ASAH2B: variants seen among roughly 807,000 people sequenced by gnomAD.
ASAH2B encodes the protein putative inactive neutral ceramidase B.
ASAH2B carries 1 observed loss-of-function variant against 2.9 expected under a neutral mutation model. The observed-to-expected ratio is 0.34, with a 90% CI of 0.12 to 1.63. ASAH2B has a LOEUF of 1.63. Ranked by LOEUF, ASAH2B falls within the 40% of genes most tolerant of loss-of-function variation. The pLI, the probability that ASAH2B is intolerant of heterozygous loss-of-function variation, is 0.36. For synonymous variants in ASAH2B, 4 were observed against 13.3 expected, an observed-to-expected ratio of 0.30 and a Z score of 1.52; for missense variants, 9 against 37.7, an observed-to-expected ratio of 0.24 and a Z score of 1.99.
chr10:50,743,130 A>G (rs1839857897), intron 2 of ASAH2B, 120 bp downstream of exon 2: 2 of 1,022,372 alleles, frequency 2.0e-6, no homozygotes, highest in Non-Finnish European at 3.1e-6. Flanking sequence ...GTTCAGTTTG[A>G]CAACCTTTAT....
At chr10:50,753,140 A>G (rs1306292098) in intron 5 of ASAH2B, among the ~76,000 whole-genome samples, 18 of 148,554 alleles carry the variant, frequency 1.2e-4, no homozygotes, top group African/African-American at 3.8e-4. Flanking sequence ...TATTTTGAAG[A>G]TTTGATAATG....
At chr10:50,748,497 A>C (rs535068772) in intron 3 of ASAH2B, among the ~76,000 whole-genome samples, 14 of 149,416 alleles carry the variant, frequency 9.4e-5, no homozygotes, top group African/African-American at 3.6e-4. Context: ...GTGGGAACAG[A>C]ATCTTGTCAC....
intron 3 of ASAH2B, among the ~76,000 whole-genome samples, chr10:50,748,417 C>T (rs61844776): frequency 0.59 from 69,122 of 116,206 alleles, 17,019 homozygotes; most frequent in East Asian, 0.79. Flanking sequence ...TCACTTCCCC[C>T]AGCACCCCTC....
intron 3 of ASAH2B, among the ~76,000 whole-genome samples, chr10:50,747,852 T>C (rs1157550332): frequency 6.6e-6 from 1 of 151,672 alleles, no homozygotes; most frequent in South Asian, 2.1e-4. Context: ...AGTTTTCTTT[T>C]TATGTGTTGT....
intron 1 of ASAH2B, among the ~76,000 whole-genome samples, chr10:50,742,129 TA>T (rs934934944): frequency 9.3e-5 from 14 of 150,618 alleles, no homozygotes; most frequent in African/African-American, 2.9e-4. Context: ...AATACAAATA[TA>T]AAAAAAAAGA....
At chr10:50,744,031 A>G (rs928490927) in intron 2 of ASAH2B, among the ~76,000 whole-genome samples, 2 of 150,028 alleles carry the variant, frequency 1.3e-5, no homozygotes, top group East Asian at 2.0e-4. Flanking sequence ...ATTGATATTT[A>G]TTTTCATTTT....
chr10:50,745,818 T>C (rs2259980), intron 3 of ASAH2B, among the ~76,000 whole-genome samples: 97,762 of 142,728 alleles, frequency 0.68, 35,605 homozygotes, highest in East Asian at 0.97. Context: ...CTGGCTAGAA[T>C]CTTCAATAGA....
At chr10:50,743,043 CGTGT>C (rs112405752) in intron 2 of ASAH2B, 33 bp downstream of exon 2, 187 of 1,480,534 alleles carry the variant, frequency 1.3e-4, no homozygotes, top group Admixed American at 2.0e-4. Context: ...TGCGTGCGTG[CGTGT>C]GTGTGTGTGT....
chr10:50,746,133 A>G (rs12248985), intron 3 of ASAH2B, among the ~76,000 whole-genome samples: 4,818 of 151,566 alleles, frequency 0.032, 380 homozygotes, highest in African/African-American at 0.11. Flanking sequence ...TCAATAGAAT[A>G]TAAAATTTCA....
chr10:50,747,073 A>G (rs1423467696), intron 3 of ASAH2B, among the ~76,000 whole-genome samples: 2 of 150,666 alleles, frequency 1.3e-5, no homozygotes, highest in South Asian at 2.1e-4. Flanking sequence ...AAAAAAAACA[A>G]ACATCACCTA....
Position 50,740,521 on chromosome 10 carries a change from A to G in ASAH2B, c.-100+538A>G, listed in dbSNP as rs527387349. 7.2e-5 allele frequency among the ~76,000 whole-genome samples: 11 copies of G among 152,292 alleles called. No individual in the cohort carries two copies. The South Asian group carries it at 2.1e-3, about 29-fold the overall frequency. On this transcript the variant is annotated intron_variant, in intron 1 of 5. Transcript: ENST00000647317. ...AGCCTCTGACTCACTTCTGTGCTCC[A>G]GTAGCACCCTGTGCAGCCTTGCAGT...
chr10:50,745,904 G>T (rs1010681075), intron 3 of ASAH2B, among the ~76,000 whole-genome samples: 1 of 151,010 alleles, frequency 6.6e-6, no homozygotes, highest in East Asian at 1.9e-4. Context: ...TTGTGTACAA[G>T]ATGATGTTTT....
intron 3 of ASAH2B, among the ~76,000 whole-genome samples, chr10:50,748,532 C>G (rs1373877576): frequency 6.6e-6 from 1 of 150,546 alleles, no homozygotes; most frequent in Non-Finnish European, 1.5e-5. Flanking sequence ...GGGGACTGTT[C>G]TCTGTAATTC....
chr10:50,742,878 G>A, intron 1 of ASAH2B, 37 bp from the exon 2 acceptor site: 1 of 1,606,538 alleles, frequency 6.2e-7, no homozygotes, highest in South Asian at 1.1e-5. Flanking sequence ...ATTTAAATAT[G>A]CAGAACCATA....
intron 2 of ASAH2B, among the ~76,000 whole-genome samples, chr10:50,744,200 T>C (rs1364486712): frequency 2.0e-5 from 3 of 151,604 alleles, no homozygotes; most frequent in African/African-American, 7.3e-5. Flanking sequence ...ATAACTACTG[T>C]TTAACTGTCA....
Position 50,758,814 on chromosome 10 carries a change from C to G in ASAH2B, c.*4074C>G, listed in dbSNP as rs1588938288. Reference sequence around the variant, plus strand: ...GGAACTTAGAGTTTAACGAACAAAGCAAACGGATGAACAGGTAATTACTGT... The same window carrying G: ...GGAACTTAGAGTTTAACGAACAAAGGAAACGGATGAACAGGTAATTACTGT... On this transcript the variant is annotated 3_prime_UTR_variant, in exon 6 of 6. Coordinates refer to ENST00000647317, the MANE Select transcript of ASAH2B (RefSeq NM_001321958.2). 1.3e-5 allele frequency: 2 copies of G among 151,986 alleles called. No individual in the cohort carries two copies. The highest frequency in any genetic ancestry group is 1.9e-4 in the East Asian group (1 of 5,172). The allele number at this position is 151,986 out of a possible 1,614,324, so 9.4% of individuals were successfully genotyped here. A position where few individuals can be genotyped will look rare whatever the true frequency, so the allele number is the denominator to read the frequency against.
chr10:50,754,829 A>G lies in ASAH2B; in HGVS notation c.*89A>G, dbSNP rs1837045178. On this transcript the variant is annotated 3_prime_UTR_variant, in exon 6 of 6. Transcript: ENST00000647317. ...AATGAATGTGAACTAGTGAACTACC[A>G]TGTTGACTTCTATAATCGTCCCTGT... 1 of 91,178 alleles carries G rather than the reference A, an allele frequency of 1.1e-5. No homozygotes were observed. Among genetic ancestry groups the G allele is most frequent in the Non-Finnish European group, 2.1e-5 (1 of 47,048 alleles). The allele number at this position is 91,178 out of a possible 1,614,324, so 5.6% of individuals were successfully genotyped here. A position where few individuals can be genotyped will look rare whatever the true frequency, so the allele number is the denominator to read the frequency against.
At position 50,742,957 on chromosome 10, in the gene ASAH2B, G is replaced by A. The variant is rs2820742; in HGVS notation, c.-57G>A. Reference sequence around the variant, plus strand: ...AGCATCGACAATTTATGGACCGCACGCATTATCTGCTTACATTCAGCTCTT... The same window carrying A: ...AGCATCGACAATTTATGGACCGCACACATTATCTGCTTACATTCAGCTCTT... On this transcript the variant is annotated 5_prime_UTR_variant, in exon 2 of 6. Transcript: ENST00000647317. 2.2e-4 allele frequency: 360 copies of A among 1,613,860 alleles called. 2 individuals carry two copies. Among genetic ancestry groups the A allele is most frequent in the Non-Finnish European group, 2.6e-4 (303 of 1,179,828 alleles).
rs61857139 is a variant in ASAH2B, at chr10:50,757,385, T to C, written c.*2645T>C. On this transcript the variant is annotated 3_prime_UTR_variant, in exon 6 of 6. Coordinates refer to ENST00000647317, the MANE Select transcript of ASAH2B (RefSeq NM_001321958.2). ...GAAGATGTACTGCTGGTAAAGCACA[T>C]GTATGGTTGGCATTTCTTTTATTTT... The C allele has an allele frequency of 6.6e-6, 1 of 151,092 alleles. No homozygotes were observed. The highest frequency in any genetic ancestry group is 1.5e-5 in the Non-Finnish European group (1 of 67,352). The allele number at this position is 151,092 out of a possible 1,614,324, so 9.4% of individuals were successfully genotyped here.
Sources: allele counts gnomAD v4.1 joint callset (sites outside exome capture counted in the v4.1 genomes callset), GRCh38; gene constraint gnomAD v4.1.1; transcripts MANE v1.5; gene names NCBI Gene and HGNC (gene_info 2026-07-23, HGNC 2026-07-21).